The following POLR2F variants were observed in gnomAD, a reference collection of about 807,000 sequenced individuals.
POLR2F encodes RNA polymerase II, I and III subunit F, also known as DNA-directed RNA polymerases I, II, and III subunit RPABC2.
A neutral mutation model predicts 22.7 loss-of-function variants in POLR2F; 12 were observed. That is an observed-to-expected ratio of 0.53 (90% CI 0.34 to 0.86). The LOEUF (loss-of-function observed/expected upper bound fraction) is 0.86, where lower values mean the gene tolerates loss of function less well. POLR2F is among the 40% of genes least tolerant of loss of function. The pLI is 0.02. For synonymous variants in POLR2F, 57 were observed against 66.0 expected, an observed-to-expected ratio of 0.86 and a Z score of 0.66; for missense variants, 126 against 171.5, an observed-to-expected ratio of 0.73 and a Z score of 1.48.
In POLR2F at chr22:37,974,882, C is replaced by T. The variant is rs1210292470; in HGVS notation, c.293+7712C>T. Among the ~76,000 whole-genome samples the T allele has an allele frequency of 2.6e-5, 4 of 152,314 alleles. No homozygotes were observed. Among genetic ancestry groups the T allele is most frequent in the East Asian group, 3.9e-4 (2 of 5,180 alleles). On this transcript the variant is annotated intron_variant, in intron 4 of 4. Coordinates refer to the POLR2F transcript ENST00000405557. This position sits in a 1 kb window ranked among gnomAD's most constrained non-coding sequence, Gnocchi z 5.4. ...ACTGTCTTCCTTGCTGAGCCTCGCT[C>T]GCCCAGGCTCCTGAGTGCTCTGTTT...
chr22:37,998,427 G>A (rs1390431379), intron 1 of POLR2F, among the ~76,000 whole-genome samples: 1 of 152,210 alleles, frequency 6.6e-6, no homozygotes, highest in African/African-American at 2.4e-5. Context: ...TGGACCCTGG[G>A]CCTCACACTT....
chr22:37,986,049 A>C (rs1601889266), upstream of POLR2F: 25 of 1,101,650 alleles, frequency 2.3e-5, no homozygotes, highest in South Asian at 8.1e-5. The surrounding 1 kb of genome is among the most constrained non-coding windows in gnomAD (Gnocchi z 4.7). Context: ...CCCTGTGCCC[A>C]GACTCTTGTT....
At chr22:37,960,378 C>T (rs1330356278) in intron 3 of POLR2F, among the ~76,000 whole-genome samples, 3 of 151,996 alleles carry the variant, frequency 2.0e-5, no homozygotes, top group African/African-American at 7.2e-5. Flanking sequence ...CGTCCACCAC[C>T]ACACCTGGCT....
At chr22:37,983,759 T>C, upstream of POLR2F, 1 of 1,485,824 alleles carries the variant, frequency 6.7e-7, no homozygotes, top group Non-Finnish European at 8.9e-7. The surrounding 1 kb of genome is among the most constrained non-coding windows in gnomAD (Gnocchi z 9.5). Context: ...CAGCTCCACC[T>C]CCGATAGGTC....
At chr22:38,018,917 C>T (rs901044355) in intron 1 of POLR2F, among the ~76,000 whole-genome samples, 5 of 152,110 alleles carry the variant, frequency 3.3e-5, no homozygotes, top group Admixed American at 2.0e-4. Context: ...CAGGATGGCT[C>T]GGGCACATGA....
At chr22:37,973,391 C>T (rs1932116908), downstream of POLR2F, 2 of 790,320 alleles carry the variant, frequency 2.5e-6, no homozygotes, top group Non-Finnish European at 3.9e-6. Flanking sequence ...CTTCAGCCTC[C>T]TCAGCCTCCT....
intron 1 of POLR2F, among the ~76,000 whole-genome samples, chr22:38,020,075 G>A (rs567750185): frequency 2.6e-5 from 4 of 151,850 alleles, no homozygotes; most frequent in South Asian, 4.2e-4. Context: ...TGGGCCGGCC[G>A]TGGTGGCTCA....
intron 3 of POLR2F, among the ~76,000 whole-genome samples, chr22:37,966,579 C>T (rs1931859999): frequency 6.6e-6 from 1 of 151,956 alleles, no homozygotes; most frequent in Non-Finnish European, 1.5e-5. Context: ...TCGAGACCAG[C>T]CTGGGCAACA....
At chr22:38,039,158 C>T (rs1318910617) in intron 5 of POLR2F, among the ~76,000 whole-genome samples, 2 of 152,242 alleles carry the variant, frequency 1.3e-5, no homozygotes, top group East Asian at 3.9e-4. Flanking sequence ...TGGGAACCAG[C>T]CCCTCCAGAA....
At chr22:38,027,806 G>T (rs970631199), downstream of POLR2F, among the ~76,000 whole-genome samples, 2 of 152,152 alleles carry the variant, frequency 1.3e-5, no homozygotes, top group Non-Finnish European at 2.9e-5. Context: ...GGGCTCATAG[G>T]CAAGGACACT....
intron 1 of POLR2F, among the ~76,000 whole-genome samples, chr22:37,998,749 G>A (rs1051913788): frequency 3.3e-5 from 5 of 152,048 alleles, no homozygotes; most frequent in Admixed American, 3.3e-4. Flanking sequence ...CCCATTCTGT[G>A]TGTGGGAATT....
At chr22:37,959,622 G>A (rs1931545605) in intron 3 of POLR2F, 146 bp downstream of exon 3, 2 of 840,994 alleles carry the variant, frequency 2.4e-6, no homozygotes, top group Non-Finnish European at 3.6e-6. Context: ...ACCAGGCATT[G>A]AGCTAGTCCC....
At chr22:38,001,714 G>A (rs1392735608) in intron 1 of POLR2F, among the ~76,000 whole-genome samples, 7 of 151,664 alleles carry the variant, frequency 4.6e-5, no homozygotes, top group Non-Finnish European at 8.8e-5. Flanking sequence ...TGTATTTTTA[G>A]TAGAGATGGG....
intron 3 of POLR2F, among the ~76,000 whole-genome samples, chr22:37,963,318 T>A (rs1287279289): frequency 2.0e-5 from 3 of 152,130 alleles, no homozygotes; most frequent in Non-Finnish European, 2.9e-5. Context: ...AGAGACAGTT[T>A]GGCTCTATCA....
At chr22:37,974,227 G>T (rs781090241), downstream of POLR2F, 1 of 1,556,934 alleles carries the variant, frequency 6.4e-7, no homozygotes, top group Non-Finnish European at 8.7e-7. This position sits in a 1 kb window ranked among gnomAD's most constrained non-coding sequence, Gnocchi z 5.4. Flanking sequence ...GAGAGAGAGA[G>T]CGCAAGGGGG....
chr22:38,026,343 C>A (rs772858197), exon 3 of POLR2F: 6 of 526,014 alleles, frequency 1.1e-5, no homozygotes, highest in South Asian at 8.6e-5. Context: ...GACCCAGGAC[C>A]CAGCCCTTTC....
upstream of POLR2F, chr22:37,985,285 G>A (rs1006722017): frequency 1.3e-5 from 2 of 152,052 alleles, no homozygotes; most frequent in African/African-American, 4.8e-5. Context: ...GCTACCTACT[G>A]GGACCCAGCT....
upstream of POLR2F, among the ~76,000 whole-genome samples, chr22:37,982,331 A>T (rs1932425200): frequency 6.6e-6 from 1 of 152,110 alleles, no homozygotes; most frequent in Admixed American, 6.5e-5. Context: ...GAATCAGGTG[A>T]CTGCTACCGG....
chr22:38,034,912 C>T lies in POLR2F; in HGVS notation c.453-6156C>T, dbSNP rs371413065. On this transcript the variant is annotated intron_variant, in intron 5 of 5. Coordinates refer to the POLR2F transcript ENST00000407936. Reference sequence around the variant, plus strand: ...GGCCGTGGCCTAGGACGAGCTGGGGCTTTCCAGGATCCCACCCCAGCCTCC... The same window carrying T: ...GGCCGTGGCCTAGGACGAGCTGGGGTTTTCCAGGATCCCACCCCAGCCTCC... 1.1e-4 allele frequency among the ~76,000 whole-genome samples: 16 copies of T among 152,028 alleles called. No individual in the cohort carries two copies. The East Asian group carries it at 3.1e-3, about 29-fold the overall frequency.
Sources: gnomAD v4.1 joint callset for allele counts (sites outside exome capture counted in the v4.1 genomes callset) on GRCh38, gnomAD v4.1.1 for gene constraint, Gnocchi (gnomAD v3.1) non-coding constraint, MANE v1.5 for transcripts, NCBI Gene and HGNC (gene_info 2026-07-23, HGNC 2026-07-21) for gene names.